LOC128462377: variants seen among roughly 807,000 people sequenced by gnomAD.
the LOC128462377 span, among the ~76,000 whole-genome samples, chr16:89,401,881 C>T: frequency 7.7e-4 from 117 of 151,860 alleles, no homozygotes; most frequent in African/African-American, 2.6e-3. Context: ...CAGAACCCGC[C>T]GGGCACACCA....
At chr16:89,363,528 G>T in the LOC128462377 span, among the ~76,000 whole-genome samples, 1 of 151,948 alleles carries the variant, frequency 6.6e-6, no homozygotes, top group East Asian at 1.9e-4. Context: ...ATCTCTCAAG[G>T]GGGAAAAAAA....
At chr16:89,407,812 T>C in the LOC128462377 span, among the ~76,000 whole-genome samples, 3 of 137,186 alleles carry the variant, frequency 2.2e-5, no homozygotes, top group Non-Finnish European at 4.5e-5. Context: ...ATCCGGCCAC[T>C]GCACTCCCAC....
At chr16:89,413,923 C>T in the LOC128462377 span, among the ~76,000 whole-genome samples, 1 of 152,144 alleles carries the variant, frequency 6.6e-6, no homozygotes, top group Non-Finnish European at 1.5e-5. Flanking sequence ...TTCCCCTCCC[C>T]ACCTCCAACC....
At chr16:89,325,465 TCTCTCACA>T in the LOC128462377 span, among the ~76,000 whole-genome samples, 24 of 139,440 alleles carry the variant, frequency 1.7e-4, no homozygotes, top group African/African-American at 6.8e-4. Context: ...TCTCTCTCTC[TCTCTCACA>T]CACACACACA....
At chr16:89,335,442 A>C in the LOC128462377 span, among the ~76,000 whole-genome samples, 1 of 152,238 alleles carries the variant, frequency 6.6e-6, no homozygotes, top group Non-Finnish European at 1.5e-5. Flanking sequence ...CCTGAGCTTC[A>C]GGATGAGTGG....
At chr16:89,331,284 T>A in the LOC128462377 span, among the ~76,000 whole-genome samples, 1 of 152,336 alleles carries the variant, frequency 6.6e-6, no homozygotes, top group Middle Eastern at 3.4e-3. Context: ...ATTAACTTCA[T>A]GTGTTTCTTT....
At chr16:89,320,453 T>C in the LOC128462377 span, 3 of 152,228 alleles carry the variant, frequency 2.0e-5, no homozygotes, top group African/African-American at 4.8e-5. Flanking sequence ...TCACGCCCTG[T>C]GCTGAGCGGC....
chr16:89,403,985 A>G, the LOC128462377 span, among the ~76,000 whole-genome samples: 1 of 152,206 alleles, frequency 6.6e-6, no homozygotes, highest in Non-Finnish European at 1.5e-5. Flanking sequence ...CAAGATTATA[A>G]AACTAAAATA....
At chr16:89,358,593 C>G in the LOC128462377 span, among the ~76,000 whole-genome samples, 1 of 152,172 alleles carries the variant, frequency 6.6e-6, no homozygotes, top group African/African-American at 2.4e-5. Flanking sequence ...TATGTACTCA[C>G]AAAAACTTTA....
chr16:89,387,097 G>A, the LOC128462377 span, among the ~76,000 whole-genome samples: 1 of 152,116 alleles, frequency 6.6e-6, no homozygotes, highest in Admixed American at 6.5e-5. Flanking sequence ...ACATGGAGGA[G>A]GTGTCTGCCC....
chr16:89,354,217 A>C, the LOC128462377 span, among the ~76,000 whole-genome samples: 347 of 149,240 alleles, frequency 2.3e-3, 4 homozygotes, highest in East Asian at 7.7e-3. Context: ...AATTTTACAT[A>C]TATATAACTA....
At chr16:89,334,425 G>A in the LOC128462377 span, among the ~76,000 whole-genome samples, 1 of 152,066 alleles carries the variant, frequency 6.6e-6, no homozygotes, top group Non-Finnish European at 1.5e-5. Context: ...CTCCAAGCCT[G>A]CCATTCTCTG....
chr16:89,350,901 T>C, the LOC128462377 span, among the ~76,000 whole-genome samples: 1 of 152,164 alleles, frequency 6.6e-6, no homozygotes, highest in African/African-American at 2.4e-5. Flanking sequence ...TGTGTTACGA[T>C]TTCTTTCCAC....
At chr16:89,384,761 T>C in the LOC128462377 span, among the ~76,000 whole-genome samples, 1 of 151,876 alleles carries the variant, frequency 6.6e-6, no homozygotes, top group Non-Finnish European at 1.5e-5. Context: ...TGGCAACCTG[T>C]ATTTAGCACC....
At chr16:89,357,675 GC>G in the LOC128462377 span, among the ~76,000 whole-genome samples, 1 of 152,316 alleles carries the variant, frequency 6.6e-6, no homozygotes, top group South Asian at 2.1e-4. Flanking sequence ...ACGCGACTCA[GC>G]CCTAACGAGG....
chr16:89,371,210 C>T, the LOC128462377 span, among the ~76,000 whole-genome samples: 1 of 152,180 alleles, frequency 6.6e-6, no homozygotes, highest in Non-Finnish European at 1.5e-5. Flanking sequence ...CTCTCACTAC[C>T]TCCCAACACT....
chr16:89,381,628 A>G, the LOC128462377 span, among the ~76,000 whole-genome samples: 1 of 152,364 alleles, frequency 6.6e-6, no homozygotes, highest in African/African-American at 2.4e-5. Context: ...AGCTGTCAAC[A>G]TCCCCCAACA....
the LOC128462377 span, among the ~76,000 whole-genome samples, chr16:89,364,573 A>G: frequency 6.6e-6 from 1 of 152,212 alleles, no homozygotes; most frequent in Non-Finnish European, 1.5e-5. Context: ...GAGGTGTCCA[A>G]TCTTTTGACC....
chr16:89,323,119 T>G, the LOC128462377 span: 4 of 334,942 alleles, frequency 1.2e-5, no homozygotes, highest in East Asian at 1.0e-4. Context: ...CCGGCTGTTG[T>G]GCGCTCCGTG....
Sources: gnomAD v4.1 joint callset for allele counts (sites outside exome capture counted in the v4.1 genomes callset) on GRCh38, gnomAD v4.1.1 for gene constraint, MANE v1.5 for transcripts.